RALYL: variants seen among roughly 807,000 people sequenced by gnomAD.
RALYL encodes RALY RNA binding protein like.
RALYL carries 29 observed loss-of-function variants against 35.1 expected under a neutral mutation model. That is an observed-to-expected ratio of 0.83 (90% CI 0.61 to 1.13). The LOEUF (loss-of-function observed/expected upper bound fraction) is 1.13. Among genes scored for constraint, RALYL ranks in the 50% most tolerant of loss-of-function variants. RALYL has a pLI of 0.00. For missense variants in RALYL, 359 were observed against 360.4 expected (o/e 1.00, Z 0.03); for synonymous variants, 120 against 127.6 (o/e 0.94, Z 0.40).
At chr8:84,311,006 C>T (rs572470542) in intron 1 of RALYL, among the ~76,000 whole-genome samples, 2 of 114,730 alleles carry the variant, frequency 1.7e-5, no homozygotes, top group Admixed American at 1.0e-4. Context: ...GAGATTGCGC[C>T]ACTGCAGTCC....
At chr8:84,841,898 T>C (rs993837524) in intron 4 of RALYL, among the ~76,000 whole-genome samples, 1 of 152,170 alleles carries the variant, frequency 6.6e-6, no homozygotes, top group African/African-American at 2.4e-5. Flanking sequence ...AAAGCAGAAA[T>C]AAAGACGTTC....
chr8:84,897,367 G>T (rs1424456441), intron 8 of RALYL, among the ~76,000 whole-genome samples: 6 of 152,096 alleles, frequency 3.9e-5, no homozygotes, highest in Non-Finnish European at 7.4e-5. Context: ...TGTTAAAAAA[G>T]CACTTCTTAT....
At chr8:84,286,272 A>T (rs979782441) in intron 1 of RALYL, among the ~76,000 whole-genome samples, 2 of 152,208 alleles carry the variant, frequency 1.3e-5, no homozygotes, top group Non-Finnish European at 2.9e-5. Context: ...CAGTTGGTAC[A>T]GCTATGTCTT....
At chr8:84,325,433 G>T (rs5009141) in intron 1 of RALYL, among the ~76,000 whole-genome samples, 7,420 of 152,140 alleles carry the variant, frequency 0.049, 279 homozygotes, top group African/African-American at 0.088. Flanking sequence ...TGTACTCAAC[G>T]CCTCTGGATT....
chr8:84,829,634 T>C lies in RALYL; in HGVS notation c.366-20346T>C, dbSNP rs189756772. Among the ~76,000 whole-genome samples the C allele has an allele frequency of 3.3e-3, 501 of 152,124 alleles. 2 individuals are homozygous for C. Among genetic ancestry groups the C allele is most frequent in the Middle Eastern group, 0.017 (5 of 294 alleles). ...CCAGCCAGAAGGCCCAGAAAATCAA[T>C]CAAACCAAACACACTGTCAATCAAG... On this transcript the variant is annotated intron_variant, in intron 4 of 8. Coordinates refer to ENST00000521268, the MANE Select transcript of RALYL (RefSeq NM_173848.7).
In RALYL at chr8:84,191,182, T is replaced by TTGTG. The variant is rs36011671; in HGVS notation, c.-24+6786_-24+6789dup. On this transcript the variant is annotated intron_variant, in intron 1 of 8. Transcript: ENST00000521268. ...TTGTATGTGTCGTGTGTGTGTGTGATTGTGTGTGTGTGTGTGTGTGTGTGT... is the reference window on the plus strand; with the variant it reads ...TTGTATGTGTCGTGTGTGTGTGTGATTGTGTGTGTGTGTGTGTGTGTGTGTGTGT... 4.9e-3 allele frequency among the ~76,000 whole-genome samples: 721 copies of TTGTG among 145,790 alleles called. 5 individuals carry two copies. Among genetic ancestry groups the TTGTG allele is most frequent in the African/African-American group, 8.9e-3 (353 of 39,590 alleles).
At position 84,216,452 on chromosome 8, in the gene RALYL, G is replaced by A. The variant is rs542326048; in HGVS notation, c.-24+32028G>A. 3.9e-5 allele frequency among the ~76,000 whole-genome samples: 6 copies of A among 152,100 alleles called. No individual in the cohort carries two copies. In the South Asian group the frequency reaches 8.3e-4, roughly 21 times the overall value. ...ATACATTTTATTGTGTATACTTAAGGTATGCAACAAGATGTTATGGGCTAT... is the reference window on the plus strand; with the variant it reads ...ATACATTTTATTGTGTATACTTAAGATATGCAACAAGATGTTATGGGCTAT... On this transcript the variant is annotated intron_variant, in intron 1 of 8. Transcript: ENST00000521268.
At chr8:84,345,719 T>C (rs1849717870) in intron 1 of RALYL, among the ~76,000 whole-genome samples, 1 of 152,048 alleles carries the variant, frequency 6.6e-6, no homozygotes, top group African/African-American at 2.4e-5. Flanking sequence ...TCCCCACTAA[T>C]GTAAATTGAG....
At chr8:84,191,172 G>A (rs573597225) in intron 1 of RALYL, among the ~76,000 whole-genome samples, 1 of 122,814 alleles carries the variant, frequency 8.1e-6, no homozygotes, top group African/African-American at 3.5e-5. Context: ...TGTGTCGTGT[G>A]TGTGTGTGAT....
intron 2 of RALYL, among the ~76,000 whole-genome samples, chr8:84,609,537 A>G (rs532894258): frequency 2.0e-5 from 3 of 152,302 alleles, no homozygotes; most frequent in African/African-American, 4.8e-5. Context: ...CAAATTCACT[A>G]TAGCCACTGC....
intron 1 of RALYL, among the ~76,000 whole-genome samples, chr8:84,287,634 A>G (rs1837911622): frequency 6.7e-6 from 1 of 149,686 alleles, no homozygotes; most frequent in East Asian, 1.9e-4. Context: ...CCATGGGGGA[A>G]AAAAAAGCCC....
At chr8:84,532,347 T>C (rs996053451) in intron 2 of RALYL, among the ~76,000 whole-genome samples, 2 of 152,088 alleles carry the variant, frequency 1.3e-5, no homozygotes, top group African/African-American at 4.8e-5. Context: ...GTTTGTAGGA[T>C]GTATATACAT....
intron 1 of RALYL, among the ~76,000 whole-genome samples, chr8:84,354,518 C>T (rs1484351527): frequency 6.6e-6 from 1 of 150,414 alleles, no homozygotes; most frequent in Non-Finnish European, 1.5e-5. Context: ...TCCCTGATTT[C>T]TCCTCAGTCA....
intron 1 of RALYL, among the ~76,000 whole-genome samples, chr8:84,492,941 T>C (rs372959715): frequency 5.3e-5 from 8 of 151,652 alleles, no homozygotes; most frequent in African/African-American, 1.9e-4. Context: ...CTGGGATACA[T>C]GTGCAGAATG....
chr8:84,863,925 G>A (rs1335207102), intron 6 of RALYL, among the ~76,000 whole-genome samples: 2 of 152,198 alleles, frequency 1.3e-5, no homozygotes, highest in Admixed American at 6.5e-5. Context: ...CTCGTTGGAG[G>A]TTAGGTCACC....
intron 2 of RALYL, among the ~76,000 whole-genome samples, chr8:84,567,182 G>A (rs1371261902): frequency 6.6e-6 from 1 of 151,678 alleles, no homozygotes; most frequent in African/African-American, 2.4e-5. Flanking sequence ...CTCCCATTCT[G>A]TGGGTTTTCT....
At chr8:84,461,026 A>C (rs1005629299) in intron 1 of RALYL, among the ~76,000 whole-genome samples, 6 of 151,600 alleles carry the variant, frequency 4.0e-5, no homozygotes, top group Admixed American at 1.3e-4. Context: ...ATTGCAAGCA[A>C]TTTTTATTCT....
intron 2 of RALYL, among the ~76,000 whole-genome samples, chr8:84,537,817 T>C (rs1186201088): frequency 6.6e-6 from 1 of 152,190 alleles, no homozygotes; most frequent in African/African-American, 2.4e-5. Context: ...ATAATGTACT[T>C]AAAGAGAGCA....
intron 1 of RALYL, among the ~76,000 whole-genome samples, chr8:84,244,159 A>G (rs1006863610): frequency 3.3e-5 from 5 of 152,166 alleles, no homozygotes; most frequent in African/African-American, 9.6e-5. Context: ...GCTATTCCCT[A>G]TAAATTTTCC....
Sources: gnomAD v4.1 joint callset for allele counts (sites outside exome capture counted in the v4.1 genomes callset) on GRCh38, gnomAD v4.1.1 for gene constraint, MANE v1.5 for transcripts, NCBI Gene and HGNC (gene_info 2026-07-23, HGNC 2026-07-21) for gene names.